The following ANKFN1 variants were observed in gnomAD, a reference collection of about 807,000 sequenced individuals.
The protein encoded by ANKFN1 is ankyrin repeat and fibronectin type-III domain-containing protein 1.
ANKFN1 carries 74 observed loss-of-function variants against 108.7 expected under a neutral mutation model. The observed-to-expected ratio is 0.68, with a 90% CI of 0.56 to 0.83. ANKFN1 has a LOEUF of 0.83. ANKFN1 is among the 40% of genes least tolerant of loss of function. The probability of loss-of-function intolerance (pLI) is 0.00; values close to 1 mark genes in which losing one functional copy is unlikely to be tolerated. For missense variants in ANKFN1, 1,505 were observed against 1,382.3 expected (o/e 1.09, Z -1.41); for synonymous variants, 547 against 516.2 (o/e 1.06, Z -0.81).
intron 17 of ANKFN1, among the ~76,000 whole-genome samples, chr17:56,481,458 C>T (rs879745354): frequency 2.0e-5 from 3 of 151,228 alleles, no homozygotes; most frequent in Admixed American, 6.6e-5. Context: ...GCGGGGGGAC[C>T]TATGTTCATC....
chr17:56,197,857 G>A (rs1913664823), intron 1 of ANKFN1, among the ~76,000 whole-genome samples: 1 of 152,176 alleles, frequency 6.6e-6, no homozygotes, highest in South Asian at 2.1e-4. Flanking sequence ...AGGGGTGTGG[G>A]AAGGCAGAGG....
intron 4 of ANKFN1, among the ~76,000 whole-genome samples, chr17:56,105,344 T>C (rs888764227): frequency 2.6e-5 from 4 of 152,084 alleles, no homozygotes; most frequent in Admixed American, 2.0e-4. Flanking sequence ...CAGAATGATG[T>C]GCACTTGATC....
chr17:56,084,092 G>A lies in ANKFN1; in HGVS notation c.288+37767G>A, dbSNP rs989925905. 1.2e-4 allele frequency among the ~76,000 whole-genome samples: 18 copies of A among 151,186 alleles called. 1 individual carries two copies. The highest frequency in any genetic ancestry group is 4.9e-5 in the African/African-American group (2 of 41,162). ...CCTGTGGGAATTCAGACTCTGGTAT[G>A]AGCCTAGGATGTTTCAAGAGAAGCA... On this transcript the variant is annotated intron_variant, in intron 4 of 12. Transcript: ENST00000635860.
intron 14 of ANKFN1, among the ~76,000 whole-genome samples, chr17:56,465,082 C>CTTTCT (rs1415883179): frequency 6.6e-6 from 1 of 152,098 alleles, no homozygotes; most frequent in Non-Finnish European, 1.5e-5. Context: ...CAAATCAGGG[C>CTTTCT]TTTCTTTTCT....
intron 1 of ANKFN1, among the ~76,000 whole-genome samples, chr17:56,189,169 A>AGTTTT (rs1912593021): frequency 1.8e-5 from 1 of 54,660 alleles, no homozygotes; most frequent in Non-Finnish European, 3.2e-5. Flanking sequence ...TGTTGCCCTG[A>AGTTTT]CTTTTTTTTT....
intron 4 of ANKFN1, among the ~76,000 whole-genome samples, chr17:56,083,129 G>T (rs776658990): frequency 6.6e-6 from 1 of 151,302 alleles, no homozygotes; most frequent in African/African-American, 2.4e-5. Context: ...ATATGCAAAT[G>T]GAACAGTAGG....
At chr17:56,458,937 C>T (rs570476969) in intron 14 of ANKFN1, among the ~76,000 whole-genome samples, 5 of 152,310 alleles carry the variant, frequency 3.3e-5, no homozygotes, top group African/African-American at 1.2e-4. Flanking sequence ...TTCTTAAACC[C>T]TCACAATAAT....
intron 8 of ANKFN1, among the ~76,000 whole-genome samples, chr17:56,388,704 C>T (rs1311990747): frequency 6.6e-6 from 1 of 152,104 alleles, no homozygotes; most frequent in Non-Finnish European, 1.5e-5. Context: ...AACATATTCT[C>T]ATTTCCTTTC....
At chr17:56,406,130 A>T (rs2047913354) in intron 8 of ANKFN1, among the ~76,000 whole-genome samples, 1 of 152,238 alleles carries the variant, frequency 6.6e-6, no homozygotes, top group African/African-American at 2.4e-5. Flanking sequence ...ACAGAAGGCT[A>T]CCATAAAGGA....
At chr17:56,424,092 A>G (rs1598584139) in intron 8 of ANKFN1, among the ~76,000 whole-genome samples, 1 of 152,216 alleles carries the variant, frequency 6.6e-6, no homozygotes, top group African/African-American at 2.4e-5. Flanking sequence ...CCTTCTAAAT[A>G]TAGATGCTAC....
intron 15 of ANKFN1, among the ~76,000 whole-genome samples, chr17:56,476,847 A>T (rs1042342000): frequency 1.3e-5 from 2 of 152,228 alleles, no homozygotes; most frequent in Non-Finnish European, 2.9e-5. Context: ...ATTTAATTTT[A>T]AAAATCAAGC....
chr17:56,164,079 C>T (rs750685408), intron 1 of ANKFN1, among the ~76,000 whole-genome samples: 1 of 152,160 alleles, frequency 6.6e-6, no homozygotes, highest in Middle Eastern at 3.2e-3. Context: ...ACCCCCAAGG[C>T]CTCTCATGAT....
chr17:56,483,080 T>C (rs2050763326), intron 18 of ANKFN1, among the ~76,000 whole-genome samples: 1 of 152,184 alleles, frequency 6.6e-6, no homozygotes, highest in Non-Finnish European at 1.5e-5. Context: ...TGACAGACCA[T>C]TTGAGAAATG....
At chr17:56,356,940 A>T (rs578190916) in intron 6 of ANKFN1, among the ~76,000 whole-genome samples, 1 of 152,330 alleles carries the variant, frequency 6.6e-6, no homozygotes, top group Non-Finnish European at 1.5e-5. Flanking sequence ...CTGTGAAAAC[A>T]GTAAGACTCC....
intron 20 of ANKFN1, among the ~76,000 whole-genome samples, chr17:56,504,202 T>G (rs758174410): frequency 6.6e-5 from 10 of 152,228 alleles, no homozygotes; most frequent in Non-Finnish European, 1.3e-4. Flanking sequence ...CAGCAGTGTT[T>G]CCCAAGTGTG....
chr17:56,170,350 T>A (rs1376059998), intron 1 of ANKFN1, among the ~76,000 whole-genome samples: 3 of 152,068 alleles, frequency 2.0e-5, no homozygotes, highest in Non-Finnish European at 4.4e-5. Context: ...GTATAAGAGC[T>A]ATAAGAACTC....
chr17:56,249,364 G>A (rs1026644770), intron 3 of ANKFN1, among the ~76,000 whole-genome samples: 2 of 152,048 alleles, frequency 1.3e-5, no homozygotes, highest in African/African-American at 4.8e-5. Context: ...AACTTGGGAG[G>A]CAGAGATTGC....
Position 56,326,284 on chromosome 17 carries a change from T to C in ANKFN1, c.117T>C (p.Cys39=). 1.2e-6 allele frequency: 2 copies of C among 1,613,998 alleles called. No individual in the cohort carries two copies. The highest frequency in any genetic ancestry group is 1.7e-6 in the Non-Finnish European group (2 of 1,179,894). The part of the protein sequence containing the change: ...RLSHRRKQSQ[C]DLLNESTGQL... ...GCCACAGGAGAAAGCAAAGCCAATG[T>C]GATTTATTGAATGAAAGCACTGGAC... Residue 39 remains cysteine, a synonymous_variant, in exon 4 of 21, where the codon TGT becomes TGC. Coordinates refer to ENST00000682825, the MANE Select transcript of ANKFN1 (RefSeq NM_001370326.1).
chr17:56,225,966 G>T (rs909254829), intron 2 of ANKFN1, among the ~76,000 whole-genome samples: 1 of 152,166 alleles, frequency 6.6e-6, no homozygotes, highest in Non-Finnish European at 1.5e-5. Flanking sequence ...TACTTTTGTG[G>T]CCAAAGAACG....
Sources: gnomAD v4.1 joint callset for allele counts (sites outside exome capture counted in the v4.1 genomes callset) on GRCh38, gnomAD v4.1.1 for gene constraint, MANE v1.5 for transcripts, NCBI Gene and HGNC (gene_info 2026-07-23, HGNC 2026-07-21) for gene names.